CIB4: variants seen among roughly 807,000 people sequenced by gnomAD.
The protein encoded by CIB4 is calcium and integrin binding family member 4, also known as calcium and integrin-binding family member 4.
In CIB4, 25 loss-of-function variants were observed where a neutral mutation model predicts 25.8. That is an observed-to-expected ratio of 0.97 (90% CI 0.71 to 1.35). The LOEUF (loss-of-function observed/expected upper bound fraction) is 1.35, where lower values mean the gene tolerates loss of function less well. Ranked by LOEUF, CIB4 falls within the 40% of genes most tolerant of loss-of-function variation. The probability of loss-of-function intolerance (pLI) is 0.00; values close to 1 mark genes in which losing one functional copy is unlikely to be tolerated. For missense variants in CIB4, 235 were observed against 228.2 expected (o/e 1.03, Z -0.19); for synonymous variants, 75 against 81.4 (o/e 0.92, Z 0.42).
At chr2:26,607,415 C>A (rs1432732641) in intron 3 of CIB4, among the ~76,000 whole-genome samples, 2 of 152,146 alleles carry the variant, frequency 1.3e-5, no homozygotes, top group Admixed American at 6.5e-5. Flanking sequence ...AAAACTTACC[C>A]GTATTGTAGA....
chr2:26,625,773 A>C (rs1669292505), intron 3 of CIB4, among the ~76,000 whole-genome samples: 1 of 152,206 alleles, frequency 6.6e-6, no homozygotes, highest in Admixed American at 6.5e-5. Context: ...CTTTTGTTGC[A>C]ATTGCTTTTG....
At chr2:26,632,253 A>G (rs1181345691) in intron 2 of CIB4, among the ~76,000 whole-genome samples, 4 of 152,058 alleles carry the variant, frequency 2.6e-5, no homozygotes, top group Admixed American at 6.5e-5. Context: ...GTTCATGGAG[A>G]GCACCATGAC....
chr2:26,631,896 G>C (rs1200080481), intron 2 of CIB4, among the ~76,000 whole-genome samples: 3 of 152,208 alleles, frequency 2.0e-5, no homozygotes, highest in African/African-American at 7.2e-5. Context: ...AGCTTCTGCA[G>C]CTCCAGCTCT....
At chr2:26,638,510 G>A (rs970630912) in intron 2 of CIB4, among the ~76,000 whole-genome samples, 1 of 152,140 alleles carries the variant, frequency 6.6e-6, no homozygotes. Context: ...GCTCTCTCCT[G>A]GCATATAGGA....
At chr2:26,597,918 CAAA>C (rs546891473) in intron 3 of CIB4, among the ~76,000 whole-genome samples, 1 of 121,866 alleles carries the variant, frequency 8.2e-6, no homozygotes. Context: ...TGCCTGGTGC[CAAA>C]AAAAAAAAAG....
intron 4 of CIB4, among the ~76,000 whole-genome samples, chr2:26,591,453 G>A (rs1046137486): frequency 1.3e-5 from 2 of 152,200 alleles, no homozygotes; most frequent in Non-Finnish European, 2.9e-5. Flanking sequence ...GGCAGCCATG[G>A]AGAGGAGACT....
chr2:26,603,293 T>A (rs549751718), intron 3 of CIB4, among the ~76,000 whole-genome samples: 26 of 152,138 alleles, frequency 1.7e-4, no homozygotes, highest in Admixed American at 1.4e-3. Flanking sequence ...CTGACACAGA[T>A]CAAAAAACAT....
intron 3 of CIB4, chr2:26,605,503 T>G (rs557281252): frequency 9.1e-5 from 43 of 471,096 alleles, no homozygotes; most frequent in Non-Finnish European, 1.7e-4. Context: ...TGGACTCACC[T>G]GCGAACAGGG....
intron 2 of CIB4, among the ~76,000 whole-genome samples, chr2:26,632,769 AAAAG>A (rs2148226021): frequency 6.6e-6 from 1 of 151,856 alleles, no homozygotes; most frequent in African/African-American, 2.4e-5. Context: ...AAAAAAAAAA[AAAAG>A]AAAAAGAAAG....
chr2:26,589,044 CTT>C lies in CIB4; in HGVS notation c.329-5148_329-5147del, dbSNP rs1558554731. Among the ~76,000 whole-genome samples the C allele has an allele frequency of 2.0e-3, 100 of 50,590 alleles. 4 individuals are homozygous for C. The highest frequency in any genetic ancestry group is 8.1e-3 in the African/African-American group (94 of 11,650). The allele number at this position is 50,590 out of a possible 152,430, so 33.2% of individuals were successfully genotyped here. ...TCTTCTTCTTCTTCTTCTTCTTCTTCTTCTTCTTCTTCTTCCTCTTCCTCTTC... is the reference window on the plus strand; with the variant it reads ...TCTTCTTCTTCTTCTTCTTCTTCTTCCTTCTTCTTCTTCCTCTTCCTCTTC... On this transcript the variant is annotated intron_variant, in intron 4 of 6. Transcript: ENST00000288861.
intron 4 of CIB4, among the ~76,000 whole-genome samples, chr2:26,591,764 C>T (rs929697643): frequency 8.5e-5 from 13 of 152,186 alleles, no homozygotes; most frequent in Admixed American, 3.3e-4. Context: ...GAGTCTCTCC[C>T]CCTGGCTGTC....
intron 4 of CIB4, among the ~76,000 whole-genome samples, chr2:26,586,023 G>C (rs1668445357): frequency 6.6e-6 from 1 of 152,068 alleles, no homozygotes; most frequent in African/African-American, 2.4e-5. Context: ...AATCCTCCCA[G>C]CTCCCCGCAC....
At chr2:26,638,639 C>T (rs1669577716) in intron 2 of CIB4, among the ~76,000 whole-genome samples, 1 of 152,196 alleles carries the variant, frequency 6.6e-6, no homozygotes, top group Non-Finnish European at 1.5e-5. Flanking sequence ...TGAAGGACAA[C>T]ATTGTCTCAC....
intron 4 of CIB4, among the ~76,000 whole-genome samples, chr2:26,589,081 T>TTCCTCTTCC (rs1668526402): frequency 3.6e-5 from 3 of 84,164 alleles, no homozygotes; most frequent in African/African-American, 2.3e-4. Context: ...CCTCTTCTTC[T>TTCCTCTTCC]TCTTCTTCTT....
At chr2:26,630,963 C>T (rs1669407153) in intron 2 of CIB4, among the ~76,000 whole-genome samples, 1 of 152,146 alleles carries the variant, frequency 6.6e-6, no homozygotes, top group Admixed American at 6.5e-5. Context: ...CCCCTCTCTT[C>T]ATGGTCCCCT....
chr2:26,618,653 C>T (rs1370089917), intron 3 of CIB4, among the ~76,000 whole-genome samples: 4 of 152,192 alleles, frequency 2.6e-5, no homozygotes, highest in African/African-American at 7.2e-5. Flanking sequence ...GCCAAGCCTG[C>T]CTTGGGCCTG....
chr2:26,632,726 C>A (rs1669446138), intron 2 of CIB4, among the ~76,000 whole-genome samples: 1 of 150,186 alleles, frequency 6.7e-6, no homozygotes, highest in African/African-American at 2.5e-5. Flanking sequence ...CCATTGCACG[C>A]CAGCTTGGGC....
intron 4 of CIB4, among the ~76,000 whole-genome samples, chr2:26,589,793 C>A (rs1431342247): frequency 6.6e-6 from 1 of 152,100 alleles, no homozygotes; most frequent in Non-Finnish European, 1.5e-5. Flanking sequence ...AAATATAAAC[C>A]AAAAATGCCG....
At chr2:26,602,898 AAATT>A (rs1221190185) in intron 3 of CIB4, among the ~76,000 whole-genome samples, 2 of 152,116 alleles carry the variant, frequency 1.3e-5, no homozygotes, top group Non-Finnish European at 2.9e-5. Flanking sequence ...CATCTCTAAA[AAATT>A]AAAATAAGCT....
Sources: allele counts gnomAD v4.1 joint callset (sites outside exome capture counted in the v4.1 genomes callset), GRCh38; gene constraint gnomAD v4.1.1; transcripts MANE v1.5; gene names NCBI Gene and HGNC (gene_info 2026-07-23, HGNC 2026-07-21).